The following NLGN1 variants were observed in gnomAD, a reference collection of about 807,000 sequenced individuals.
NLGN1 encodes neuroligin 1.
Under a neutral mutation model 65.5 loss-of-function variants are expected in NLGN1, and 12 were observed. The ratio of observed to expected loss-of-function variants is 0.18; its 90% CI spans 0.12 to 0.30. NLGN1 has a LOEUF of 0.30. Ranked by LOEUF, NLGN1 falls within the 10% of genes least tolerant of loss-of-function variation. The pLI is 1.00. For missense variants in NLGN1, 750 were observed against 1,007.1 expected (o/e 0.74, Z 3.46); for synonymous variants, 350 against 359.5 (o/e 0.97, Z 0.30).
At chr3:173,929,067 A>G (rs149927671) in intron 4 of NLGN1, among the ~76,000 whole-genome samples, 1 of 152,110 alleles carries the variant, frequency 6.6e-6, no homozygotes, top group East Asian at 1.9e-4. Context: ...GAACCTCTAA[A>G]TTTTTTAGTG....
intron 4 of NLGN1, among the ~76,000 whole-genome samples, chr3:174,246,301 T>G (rs1399909386): frequency 2.0e-5 from 3 of 152,256 alleles, no homozygotes; most frequent in African/African-American, 7.2e-5. Flanking sequence ...TATATGATCT[T>G]ATCTTTAAAG....
At chr3:173,562,615 T>C (rs767246342) in intron 2 of NLGN1, among the ~76,000 whole-genome samples, 6 of 152,044 alleles carry the variant, frequency 3.9e-5, no homozygotes, top group Non-Finnish European at 8.8e-5. Context: ...CTTTGAAGTT[T>C]ACAAAGTACG....
At chr3:173,474,687 C>T (rs1413740259) in intron 2 of NLGN1, among the ~76,000 whole-genome samples, 2 of 152,086 alleles carry the variant, frequency 1.3e-5, no homozygotes, top group Non-Finnish European at 2.9e-5. Context: ...GGGCTGGGTG[C>T]AGTTGCTCAC....
intron 4 of NLGN1, among the ~76,000 whole-genome samples, chr3:173,889,589 T>C (rs982239655): frequency 1.3e-5 from 2 of 152,182 alleles, no homozygotes; most frequent in Non-Finnish European, 2.9e-5. Flanking sequence ...TTAAATGATG[T>C]TTTAAAATCC....
intron 2 of NLGN1, among the ~76,000 whole-genome samples, chr3:173,515,745 A>G (rs149520752): frequency 2.1e-4 from 32 of 152,174 alleles, no homozygotes; most frequent in South Asian, 8.3e-4. Context: ...TCGTTTATCC[A>G]TTGTGGTACT....
intron 4 of NLGN1, among the ~76,000 whole-genome samples, chr3:174,166,898 T>C (rs773922292): frequency 6.6e-6 from 1 of 152,100 alleles, no homozygotes; most frequent in Non-Finnish European, 1.5e-5. Context: ...TATAGATAAG[T>C]CTTCTCATTG....
chr3:173,906,274 C>T (rs1738369257), intron 4 of NLGN1, among the ~76,000 whole-genome samples: 1 of 152,116 alleles, frequency 6.6e-6, no homozygotes, highest in South Asian at 2.1e-4. Context: ...AGCATTTTTT[C>T]CATCCTTTCT....
chr3:174,133,228 A>G (rs1365430244), intron 4 of NLGN1, among the ~76,000 whole-genome samples: 1 of 152,234 alleles, frequency 6.6e-6, no homozygotes, highest in Non-Finnish European at 1.5e-5. Context: ...CCAAAGAAAA[A>G]GTAACCAAGA....
At chr3:173,871,200 A>G (rs1731098977) in intron 4 of NLGN1, among the ~76,000 whole-genome samples, 1 of 152,046 alleles carries the variant, frequency 6.6e-6, no homozygotes, top group African/African-American at 2.4e-5. Context: ...GAAGCACCAC[A>G]CCCCTTACCA....
intron 4 of NLGN1, among the ~76,000 whole-genome samples, chr3:174,071,976 A>G (rs139490633): frequency 3.9e-4 from 59 of 152,314 alleles, no homozygotes; most frequent in African/African-American, 1.4e-3. Context: ...TCTTTAAAAA[A>G]GATTTCAGAG....
intron 3 of NLGN1, among the ~76,000 whole-genome samples, chr3:173,689,779 A>G (rs955542436): frequency 6.6e-6 from 1 of 152,154 alleles, no homozygotes; most frequent in Non-Finnish European, 1.5e-5. Context: ...CTACAATAAA[A>G]ATCCTGTTCT....
intron 3 of NLGN1, among the ~76,000 whole-genome samples, chr3:173,755,765 T>C (rs893972159): frequency 6.6e-6 from 1 of 152,136 alleles, no homozygotes; most frequent in African/African-American, 2.4e-5. Flanking sequence ...TGTGTTCCTC[T>C]AGCACACTCA....
chr3:173,568,324 C>G (rs1005606768), intron 2 of NLGN1, among the ~76,000 whole-genome samples: 1 of 151,790 alleles, frequency 6.6e-6, no homozygotes, highest in African/African-American at 2.4e-5. Context: ...ACTTTCGCCT[C>G]CTGGGCTCTG....
intron 4 of NLGN1, among the ~76,000 whole-genome samples, chr3:173,889,402 A>G (rs1734927057): frequency 6.6e-6 from 1 of 152,044 alleles, no homozygotes. Flanking sequence ...CTGTTTTACT[A>G]CAAACAGTGA....
intron 4 of NLGN1, among the ~76,000 whole-genome samples, chr3:174,024,719 G>GGCAC (rs1728505391): frequency 6.6e-6 from 1 of 152,092 alleles, no homozygotes; most frequent in African/African-American, 2.4e-5. Context: ...GCCTGAAAGG[G>GGCAC]GCACCATGAC....
At chr3:174,235,992 G>A (rs1254241159) in intron 4 of NLGN1, among the ~76,000 whole-genome samples, 1 of 152,138 alleles carries the variant, frequency 6.6e-6, no homozygotes, top group African/African-American at 2.4e-5. Context: ...CACCTAAAAT[G>A]TAAATTCCAA....
rs541420223 is a variant in NLGN1, at chr3:173,806,747, A to T, written c.494-933A>T. Among the ~76,000 whole-genome samples, 5 of 152,196 alleles carry T rather than the reference A, an allele frequency of 3.3e-5. No individual in the cohort carries two copies. In the South Asian group the frequency reaches 1.0e-3, roughly 32 times the overall value. On this transcript the variant is annotated intron_variant, in intron 3 of 6. Transcript: ENST00000457714. ...ATTATGTTATGTTTATTTATATATT[A>T]TTTCTAGATCCTTGTTGAAAATTAC...
intron 4 of NLGN1, among the ~76,000 whole-genome samples, chr3:174,097,938 G>C (rs760635558): frequency 1.1e-4 from 16 of 152,138 alleles, no homozygotes; most frequent in Non-Finnish European, 1.9e-4. Flanking sequence ...TAACTAACTC[G>C]TGTAGCTCTA....
chr3:174,011,553 T>C (rs1263917489), intron 4 of NLGN1, among the ~76,000 whole-genome samples: 5 of 152,292 alleles, frequency 3.3e-5, no homozygotes, highest in African/African-American at 1.2e-4. Flanking sequence ...GTTTCTTGGA[T>C]CCATAACTAT....
Sources: allele counts gnomAD v4.1 joint callset (sites outside exome capture counted in the v4.1 genomes callset), GRCh38; gene constraint gnomAD v4.1.1; transcripts MANE v1.5; gene names NCBI Gene and HGNC (gene_info 2026-07-23, HGNC 2026-07-21).